RIN2: variants seen among roughly 807,000 people sequenced by gnomAD.
RIN2 encodes the protein Ras and Rab interactor 2.
Under a neutral mutation model 78.0 loss-of-function variants are expected in RIN2, and 36 were observed. The ratio of observed to expected loss-of-function variants is 0.46; its 90% CI spans 0.35 to 0.61. The LOEUF (loss-of-function observed/expected upper bound fraction) is 0.61, where lower values mean the gene tolerates loss of function less well. RIN2 is among the 20% of genes least tolerant of loss of function. The pLI is 0.00. For synonymous variants in RIN2, 466 were observed against 466.8 expected (o/e 1.00, Z 0.02); for missense variants, 1,087 against 1,159.7 (o/e 0.94, Z 0.91).
chr20:19,851,213 A>C (rs2036971109), intron 2 of RIN2, among the ~76,000 whole-genome samples: 1 of 152,162 alleles, frequency 6.6e-6, no homozygotes, highest in Non-Finnish European at 1.5e-5. Context: ...AGTGGCAAAG[A>C]GAAAACCTTG....
At chr20:19,979,549 G>A (rs1212192647) in intron 9 of RIN2, among the ~76,000 whole-genome samples, 1 of 152,102 alleles carries the variant, frequency 6.6e-6, no homozygotes, top group Non-Finnish European at 1.5e-5. Flanking sequence ...ATATAGAAAA[G>A]GTGATTGAAA....
intron 2 of RIN2, among the ~76,000 whole-genome samples, chr20:19,878,147 G>A (rs543780983): frequency 6.6e-5 from 10 of 152,242 alleles, no homozygotes; most frequent in East Asian, 1.9e-4. Flanking sequence ...ACCCCTCCTC[G>A]TGGAAGGAGA....
intron 2 of RIN2, among the ~76,000 whole-genome samples, chr20:19,834,097 T>C (rs2036333283): frequency 6.6e-6 from 1 of 152,136 alleles, no homozygotes; most frequent in Admixed American, 6.5e-5. Context: ...CCCTAGTGTG[T>C]GTAATGGTTA....
At chr20:19,781,503 C>T (rs1331958429) in intron 1 of RIN2, among the ~76,000 whole-genome samples, 3 of 152,236 alleles carry the variant, frequency 2.0e-5, no homozygotes, top group Non-Finnish European at 4.4e-5. Context: ...TCTCTGCTCA[C>T]TGCAACCCCC....
At chr20:19,899,384 C>G (rs2038880155) in intron 3 of RIN2, among the ~76,000 whole-genome samples, 1 of 152,248 alleles carries the variant, frequency 6.6e-6, no homozygotes, top group African/African-American at 2.4e-5. Flanking sequence ...AGCATAAAAT[C>G]TTTCAAATGT....
chr20:19,851,016 A>G (rs1489105941), intron 2 of RIN2, among the ~76,000 whole-genome samples: 2 of 118,032 alleles, frequency 1.7e-5, no homozygotes, highest in African/African-American at 7.7e-5. Flanking sequence ...GAAGGAAGGA[A>G]GGAAGGAAGG....
At chr20:19,786,415 A>T (rs1568750634) in intron 1 of RIN2, among the ~76,000 whole-genome samples, 1 of 152,188 alleles carries the variant, frequency 6.6e-6, no homozygotes, top group Non-Finnish European at 1.5e-5. Context: ...CCCTGAAGCT[A>T]CATGAAGAAA....
At chr20:19,828,025 G>T (rs866573723) in intron 2 of RIN2, among the ~76,000 whole-genome samples, 8 of 152,128 alleles carry the variant, frequency 5.3e-5, no homozygotes, top group African/African-American at 1.4e-4. Flanking sequence ...GCCCAGCTGT[G>T]AGTTCATTGC....
At chr20:19,993,986 G>T (rs929090619) in intron 11 of RIN2, among the ~76,000 whole-genome samples, 2 of 152,348 alleles carry the variant, frequency 1.3e-5, no homozygotes, top group Admixed American at 1.3e-4. Flanking sequence ...AACATTGCTT[G>T]TATCTTGTGG....
intron 11 of RIN2, among the ~76,000 whole-genome samples, chr20:19,995,891 T>C (rs774566169): frequency 2.0e-5 from 3 of 152,198 alleles, no homozygotes; most frequent in Non-Finnish European, 4.4e-5. Flanking sequence ...CAAGAGCAAG[T>C]GTTGCCACGA....
chr20:19,893,210 G>A (rs2038563131), intron 3 of RIN2, among the ~76,000 whole-genome samples: 1 of 152,176 alleles, frequency 6.6e-6, no homozygotes, highest in Non-Finnish European at 1.5e-5. Flanking sequence ...ATACCATTTA[G>A]GAAGATGGTT....
intron 11 of RIN2, among the ~76,000 whole-genome samples, chr20:19,996,191 T>G (rs1005091622): frequency 3.4e-4 from 52 of 151,992 alleles, no homozygotes; most frequent in Admixed American, 6.5e-5. Flanking sequence ...GTGCATGCCT[T>G]TAATCCGAGC....
At chr20:19,993,259 G>C (rs1427577911) in intron 11 of RIN2, among the ~76,000 whole-genome samples, 1 of 150,576 alleles carries the variant, frequency 6.6e-6, no homozygotes, top group Non-Finnish European at 1.5e-5. Context: ...CCCTGGGGGG[G>C]ATTGTCACGG....
At chr20:19,928,219 T>A (rs2040303824) in intron 3 of RIN2, among the ~76,000 whole-genome samples, 1 of 152,238 alleles carries the variant, frequency 6.6e-6, no homozygotes, top group Non-Finnish European at 1.5e-5. Flanking sequence ...AGTGTTTTAA[T>A]CTCATTGTCC....
intron 4 of RIN2, among the ~76,000 whole-genome samples, chr20:19,956,404 T>A (rs1390210981): frequency 6.6e-6 from 1 of 152,024 alleles, no homozygotes; most frequent in Non-Finnish European, 1.5e-5. Context: ...CAGTGCAAAG[T>A]GTTCTTTTTA....
At chr20:19,842,347 C>T (rs1013275828) in intron 2 of RIN2, among the ~76,000 whole-genome samples, 2 of 144,346 alleles carry the variant, frequency 1.4e-5, no homozygotes, top group Non-Finnish European at 3.0e-5. Flanking sequence ...CTCAGCACCC[C>T]CTAGTAGCTG....
rs184788156 is a variant in RIN2, at chr20:19,877,999, G to A, written c.-36-11567G>A. On this transcript the variant is annotated intron_variant, in intron 2 of 12. Coordinates refer to ENST00000255006, the MANE Select transcript of RIN2 (RefSeq NM_018993.4). ...TATGCCAGTGCATTCTAGTCTGGGC[G>A]ACAGAGTAAGAGTGTCTCAAAAAAG... is the stretch of plus-strand genomic sequence containing the variant. 3.9e-5 allele frequency among the ~76,000 whole-genome samples: 6 copies of A among 152,286 alleles called. No individual in the cohort carries two copies. In the East Asian group the frequency reaches 5.8e-4, roughly 15 times the overall value.
intron 2 of RIN2, among the ~76,000 whole-genome samples, chr20:19,833,774 G>C (rs1411062280): frequency 6.6e-6 from 1 of 152,156 alleles, no homozygotes; most frequent in Admixed American, 6.5e-5. Context: ...TCCCCTATGA[G>C]ATGCAAGGCA....
At chr20:19,801,744 A>G (rs1297259165) in intron 2 of RIN2, among the ~76,000 whole-genome samples, 1 of 152,212 alleles carries the variant, frequency 6.6e-6, no homozygotes, top group Admixed American at 6.5e-5. Flanking sequence ...CTGAGCAGAT[A>G]CCTAATAAAT....
Sources: gnomAD v4.1 joint callset for allele counts (sites outside exome capture counted in the v4.1 genomes callset) on GRCh38, gnomAD v4.1.1 for gene constraint, MANE v1.5 for transcripts, NCBI Gene and HGNC (gene_info 2026-07-23, HGNC 2026-07-21) for gene names.